Variants in WNT3A observed in about 807,000 individuals in gnomAD.
WNT3A encodes the protein Wnt family member 3A, also known as protein Wnt-3a.
In WNT3A, 17 loss-of-function variants were observed where a neutral mutation model predicts 37.0. The observed-to-expected ratio is 0.46, with a 90% CI of 0.31 to 0.69. The LOEUF (loss-of-function observed/expected upper bound fraction) is 0.69. Among genes scored for constraint, WNT3A ranks in the 30% least tolerant of loss-of-function variants. WNT3A has a pLI of 0.05. For synonymous variants in WNT3A, 187 were observed against 211.0 expected, an observed-to-expected ratio of 0.89 and a Z score of 0.99; for missense variants, 411 against 510.2, an observed-to-expected ratio of 0.81 and a Z score of 1.87.
chr1:228,060,125 A>T lies in WNT3A; in HGVS notation c.*660A>T, dbSNP rs1033209197. The T allele has an allele frequency of 2.0e-5, 27 of 1,326,070 alleles. 1 individual carries two copies. In the African/African-American group the frequency reaches 3.3e-4, roughly 16 times the overall value. 82.1% of individuals were successfully genotyped at this position (1,326,070 alleles called of 1,614,324 possible). ...TGGGGCTTCTCTGGGACCAGGCTCCAATGGGGCGGGGCTTCTCTCCGCGGG... is the reference window on the plus strand; with the variant it reads ...TGGGGCTTCTCTGGGACCAGGCTCCTATGGGGCGGGGCTTCTCTCCGCGGG... On this transcript the variant is annotated 3_prime_UTR_variant, in exon 4 of 4. Transcript: ENST00000284523.
Position 228,060,221 on chromosome 1 carries a change from G to A in WNT3A, c.*756G>A, listed in dbSNP as rs41270173. 11,187 of 1,351,760 alleles carry A rather than the reference G, an allele frequency of 8.3e-3. 61 individuals are homozygous for A. The highest frequency in any genetic ancestry group is 9.7e-3 in the Non-Finnish European group (9,948 of 1,021,490). The allele number at this position is 1,351,760 out of a possible 1,614,324, so 83.7% of individuals were successfully genotyped here. The stretch of plus-strand genomic sequence containing the variant: ...CTGCAGGAATCCCGGCTCCAGAGCA[G>A]GAAATTCAGCCCACCAGCCACCTCA... On this transcript the variant is annotated 3_prime_UTR_variant, in exon 4 of 4. Transcript: ENST00000284523.
rs2031165661 is a variant in WNT3A at position 228,037,260 on chromosome 1, C to G, written c.314-13396C>G. 1.3e-5 allele frequency among the ~76,000 whole-genome samples: 2 copies of G among 152,196 alleles called. No homozygotes were observed. The highest frequency in any genetic ancestry group is 2.9e-5 in the Non-Finnish European group (2 of 67,990). On this transcript the variant is annotated intron_variant, in intron 2 of 3. Transcript: ENST00000284523. The surrounding 1 kb of genome is among the most constrained non-coding windows in gnomAD (Gnocchi z 4.1). ...TCCAGTCCCCACCCCCTGCCCTATT[C>G]TGTGAACCCCAGGGTATCCCCACTC...
chr1:228,016,763 T>C (rs1294249420), intron 1 of WNT3A, among the ~76,000 whole-genome samples: 1 of 151,952 alleles, frequency 6.6e-6, no homozygotes, highest in Non-Finnish European at 1.5e-5. Context: ...CTCAGGGAGC[T>C]TCCACTCATG....
intron 1 of WNT3A, among the ~76,000 whole-genome samples, chr1:228,010,494 A>G (rs983603387): frequency 5.9e-5 from 9 of 151,722 alleles, no homozygotes; most frequent in African/African-American, 2.2e-4. Context: ...TGGGACCCAC[A>G]CCCTCCCAGC....
rs1025560349 is a variant in WNT3A, at chr1:228,008,401, G to C, written c.71+1202G>C. On this transcript the variant is annotated intron_variant, in intron 1 of 3. Transcript: ENST00000284523. This position sits in a 1 kb window ranked among gnomAD's most constrained non-coding sequence, Gnocchi z 4.9. ...TTTTTCTCTTCGAGATGGTTCAGGA[G>C]CGGGGGCTCCCGCGGTAGGGGCGCC... 8.5e-5 allele frequency among the ~76,000 whole-genome samples: 13 copies of C among 152,338 alleles called. 1 individual carries two copies. The highest frequency in any genetic ancestry group is 6.5e-4 in the Admixed American group (10 of 15,306).
At chr1:228,030,592 C>T (rs1356568987) in intron 2 of WNT3A, among the ~76,000 whole-genome samples, 2 of 152,116 alleles carry the variant, frequency 1.3e-5, no homozygotes, top group Admixed American at 1.3e-4. Context: ...TGGACTTGTG[C>T]TGTTTATGAG....
intron 1 of WNT3A, among the ~76,000 whole-genome samples, chr1:228,011,172 G>A (rs749562566): frequency 3.3e-5 from 5 of 152,194 alleles, no homozygotes; most frequent in African/African-American, 7.2e-5. Context: ...GAAGGAGCTC[G>A]GCTGGAATGA....
intron 2 of WNT3A, among the ~76,000 whole-genome samples, chr1:228,029,640 A>C (rs1459824955): frequency 1.3e-5 from 2 of 152,102 alleles, no homozygotes; most frequent in Non-Finnish European, 2.9e-5. Flanking sequence ...TATAACGGAC[A>C]ACCCCAGTTC....
intron 3 of WNT3A, among the ~76,000 whole-genome samples, chr1:228,056,705 G>A (rs975652962): frequency 1.3e-5 from 2 of 152,158 alleles, no homozygotes; most frequent in Admixed American, 6.5e-5. Flanking sequence ...AACAACAGAA[G>A]AAAAAGATCT....
In WNT3A at chr1:228,050,595, C is replaced by A; in HGVS notation, c.314-61C>A. The A allele has an allele frequency of 6.6e-7, 1 of 1,516,374 alleles. No homozygotes were observed. Among genetic ancestry groups the A allele is most frequent in the South Asian group, 1.3e-5 (1 of 76,726 alleles). 93.9% of individuals were successfully genotyped at this position (1,516,374 alleles called of 1,614,324 possible). ...ATGCAAATGGGCTAAGACCCCTGAC[C>A]TGCCCAAGGCGGTCCTTTGAGCTGA... On this transcript the variant is annotated intron_variant, in intron 2 of 3. Transcript: ENST00000284523. This position sits in a 1 kb window ranked among gnomAD's most constrained non-coding sequence, Gnocchi z 5.0.
At chr1:228,051,191 G>A (rs763901505) in intron 3 of WNT3A, among the ~76,000 whole-genome samples, 6 of 152,214 alleles carry the variant, frequency 3.9e-5, no homozygotes, top group Admixed American at 6.5e-5. Context: ...AGCCCCGGCA[G>A]AGCCCAGGGA....
chr1:228,011,440 G>C (rs989193428), intron 1 of WNT3A, among the ~76,000 whole-genome samples: 1 of 152,088 alleles, frequency 6.6e-6, no homozygotes, highest in African/African-American at 2.4e-5. Flanking sequence ...GCCCGCATCT[G>C]TCTGTGTCTC....
At chr1:228,056,120 T>C (rs60753174) in intron 3 of WNT3A, among the ~76,000 whole-genome samples, 2,304 of 152,288 alleles carry the variant, frequency 0.015, 50 homozygotes, top group African/African-American at 0.049. Flanking sequence ...CCCAATAAAG[T>C]GATGCAGCTA....
intron 1 of WNT3A, among the ~76,000 whole-genome samples, chr1:228,021,696 A>ACAC (rs1216075806): frequency 1.3e-5 from 2 of 152,236 alleles, no homozygotes; most frequent in African/African-American, 4.8e-5. Flanking sequence ...GTACATAGCC[A>ACAC]AAAGTGGGCC....
chr1:228,018,279 G>A (rs1558285061), intron 1 of WNT3A, among the ~76,000 whole-genome samples: 1 of 152,198 alleles, frequency 6.6e-6, no homozygotes, highest in Admixed American at 6.5e-5. Flanking sequence ...GGTGTGGGAG[G>A]AGGAAGTTAC....
intron 2 of WNT3A, among the ~76,000 whole-genome samples, chr1:228,035,712 G>T (rs373245205): frequency 1.3e-5 from 2 of 152,324 alleles, no homozygotes; most frequent in African/African-American, 4.8e-5. Context: ...CCAGCGTTGG[G>T]TTGGGGCGGG....
At chr1:228,036,837 C>A (rs537516802) in intron 2 of WNT3A, among the ~76,000 whole-genome samples, 1 of 152,324 alleles carries the variant, frequency 6.6e-6, no homozygotes, top group Admixed American at 6.5e-5. Flanking sequence ...GCCCAGGGCC[C>A]AGCAGCTGGA....
Position 228,031,565 on chromosome 1 carries a change from C to T in WNT3A, c.313+8657C>T, listed in dbSNP as rs2031009795. On this transcript the variant is annotated intron_variant, in intron 2 of 3. Coordinates refer to ENST00000284523, the MANE Select transcript of WNT3A (RefSeq NM_033131.4). The surrounding 1 kb of genome is among the most constrained non-coding windows in gnomAD (Gnocchi z 4.8). The stretch of plus-strand genomic sequence containing the variant: ...TGTGGTGTGATGTGTCATGTGTGCA[C>T]ATGCATGTGGTGTGTGGGGTGTGTG... Among the ~76,000 whole-genome samples, 1 of 151,932 alleles carries T rather than the reference C, an allele frequency of 6.6e-6. No individual in the cohort carries two copies. The highest frequency in any genetic ancestry group is 2.4e-5 in the African/African-American group (1 of 41,356).
At chr1:228,051,045 ACC>A (rs1466452720) in intron 3 of WNT3A, 124 bp downstream of exon 3, 5 of 1,253,426 alleles carry the variant, frequency 4.0e-6, no homozygotes, top group African/African-American at 1.5e-5. Context: ...GGTCTTCTCG[ACC>A]CCTGCCTGGG....
Sources: gnomAD v4.1 joint callset for allele counts (sites outside exome capture counted in the v4.1 genomes callset) on GRCh38, gnomAD v4.1.1 for gene constraint, Gnocchi (gnomAD v3.1) non-coding constraint, MANE v1.5 for transcripts, NCBI Gene and HGNC (gene_info 2026-07-23, HGNC 2026-07-21) for gene names.